TRMT1L: variants seen among roughly 807,000 people sequenced by gnomAD.
TRMT1L encodes tRNA methyltransferase 1L.
Under a neutral mutation model 81.6 loss-of-function variants are expected in TRMT1L, and 28 were observed. The observed-to-expected ratio is 0.34, with a 90% confidence interval of 0.25 to 0.47. The LOEUF (loss-of-function observed/expected upper bound fraction) is 0.47, where lower values mean the gene tolerates loss of function less well. Ranked by LOEUF, TRMT1L falls within the 20% of genes least tolerant of loss-of-function variation. TRMT1L has a pLI of 1.00. For missense variants in TRMT1L, 739 were observed against 877.1 expected (o/e 0.84, Z 1.99); for synonymous variants, 301 against 303.2 (o/e 0.99, Z 0.07).
At chr1:185,155,207 G>A (rs1653465124) in intron 1 of TRMT1L, among the ~76,000 whole-genome samples, 1 of 152,058 alleles carries the variant, frequency 6.6e-6, no homozygotes, top group Non-Finnish European at 1.5e-5. Flanking sequence ...ACATATTTTT[G>A]ATGGTGAGGA....
chr1:185,126,929 G>A (rs1652644939), intron 11 of TRMT1L, among the ~76,000 whole-genome samples: 1 of 152,178 alleles, frequency 6.6e-6, no homozygotes, highest in Non-Finnish European at 1.5e-5. Context: ...CCCAAAAGGT[G>A]GAGGTTGCAG....
At chr1:185,123,976 A>G in intron 12 of TRMT1L, 57 bp from the exon 13 acceptor site, 7 of 976,818 alleles carry the variant, frequency 7.2e-6, no homozygotes, top group Non-Finnish European at 1.0e-5. Flanking sequence ...ATAAAGCAAC[A>G]ACTCAGTTTA....
intron 10 of TRMT1L, among the ~76,000 whole-genome samples, chr1:185,132,549 AATAAAT>A (rs1174353792): frequency 8.6e-5 from 13 of 151,126 alleles, no homozygotes; most frequent in African/African-American, 3.1e-4. Flanking sequence ...TAAAAATAAA[AATAAAT>A]AAATAAATAA....
intron 2 of TRMT1L, 90 bp downstream of exon 2, chr1:185,151,735 A>C (rs1653355393): frequency 9.6e-6 from 8 of 834,246 alleles, no homozygotes; most frequent in Non-Finnish European, 1.5e-5. Flanking sequence ...AGAATAAACA[A>C]GTCTACTCTT....
Position 185,143,367 on chromosome 1 carries a change from A to G in TRMT1L, c.849T>C (p.Phe283=). The stretch of plus-strand genomic sequence containing the variant: ...AGTGTCCTCACTTACCAGTGGCTCC[A>G]AAAGCATCTAGACATTCCAAAGGTT... ...ERKPLECLDA[F]GATGIMGLQW... The change falls in exon 7 of 15, where the codon TTT becomes TTC. Residue 283 remains phenylalanine, a synonymous_variant. Coordinates refer to ENST00000367506, the MANE Select transcript of TRMT1L (RefSeq NM_030934.5). 6.2e-7 allele frequency: 1 copy of G among 1,601,846 alleles called. No individual in the cohort carries two copies. The highest frequency in any genetic ancestry group is 8.5e-7 in the Non-Finnish European group (1 of 1,173,784).
intron 9 of TRMT1L, among the ~76,000 whole-genome samples, chr1:185,138,427 T>C (rs1235121048): frequency 2.0e-5 from 3 of 152,154 alleles, no homozygotes; most frequent in African/African-American, 7.2e-5. Flanking sequence ...TTCAGGTAAT[T>C]AGAAACAACC....
rs542181742 is a variant in TRMT1L, at chr1:185,151,585, T to C, written c.346+240A>G. 9.9e-5 allele frequency among the ~76,000 whole-genome samples: 15 copies of C among 152,276 alleles called. 1 individual carries two copies. In the South Asian group the frequency reaches 2.7e-3, roughly 27 times the overall value. ...CAAATGCCATTCCTAACTTGCCGAA[T>C]AGACAGCCCCTAGACATCCGTGAAA... On this transcript the variant is annotated intron_variant, in intron 2 of 14. Transcript: ENST00000367506.
chr1:185,130,686 T>A (rs1335826532), intron 10 of TRMT1L, among the ~76,000 whole-genome samples: 1 of 152,330 alleles, frequency 6.6e-6, no homozygotes, highest in Non-Finnish European at 1.5e-5. Context: ...CAATCAAGCG[T>A]CTGTGTCCTC....
At chr1:185,156,372 C>A in intron 1 of TRMT1L, 106 bp downstream of exon 1, 2 of 1,610,954 alleles carry the variant, frequency 1.2e-6, no homozygotes, top group Non-Finnish European at 1.7e-6. Context: ...TTTCCTAAAC[C>A]TGCCTTGCCC....
At chr1:185,123,616 C>G (rs1411303564) in intron 13 of TRMT1L, among the ~76,000 whole-genome samples, 2 of 151,988 alleles carry the variant, frequency 1.3e-5, no homozygotes, top group Admixed American at 6.6e-5. Flanking sequence ...TCACATGGTT[C>G]AAGATCATAC....
intron 8 of TRMT1L, 53 bp from the exon 9 acceptor site, chr1:185,139,632 A>G: frequency 8.3e-7 from 1 of 1,209,398 alleles, no homozygotes; most frequent in South Asian, 1.5e-5. Flanking sequence ...AACAAAAATT[A>G]TACCACTGTA....
chr1:185,127,851 C>T (rs1571343942), intron 11 of TRMT1L, among the ~76,000 whole-genome samples: 1 of 151,232 alleles, frequency 6.6e-6, no homozygotes, highest in Non-Finnish European at 1.5e-5. Flanking sequence ...CAGTGGCTCA[C>T]ACCTGTAATC....
intron 7 of TRMT1L, among the ~76,000 whole-genome samples, chr1:185,140,732 A>C (rs1240449624): frequency 2.0e-5 from 3 of 151,962 alleles, no homozygotes; most frequent in Non-Finnish European, 1.5e-5. Context: ...TAATCTCTGC[A>C]CTTTGGGAGG....
chr1:185,142,115 C>T (rs1653065654), intron 7 of TRMT1L, among the ~76,000 whole-genome samples: 1 of 152,082 alleles, frequency 6.6e-6, no homozygotes, highest in South Asian at 2.1e-4. Context: ...ATTTCAAATC[C>T]AAGCGACTTG....
At chr1:185,124,887 G>T in intron 12 of TRMT1L, 57 bp downstream of exon 12, 6 of 1,447,974 alleles carry the variant, frequency 4.1e-6, no homozygotes, top group African/African-American at 1.4e-5. Context: ...AATTGAAAAA[G>T]ATACAGTATT....
intron 1 of TRMT1L, among the ~76,000 whole-genome samples, chr1:185,153,656 CTG>C (rs1491394502): frequency 3.3e-5 from 5 of 151,944 alleles, no homozygotes; most frequent in African/African-American, 1.2e-4. Context: ...ATGAATCAGA[CTG>C]TAACTTGCTT....
chr1:185,144,044 A>G lies in TRMT1L; in HGVS notation c.656-15T>C. The G allele has an allele frequency of 6.4e-7, 1 of 1,562,282 alleles. No individual in the cohort carries two copies. Among genetic ancestry groups the G allele is most frequent in the Non-Finnish European group, 8.6e-7 (1 of 1,158,428 alleles). On this transcript the variant is annotated splice_polypyrimidine_tract_variant and intron_variant, in intron 5 of 14. Coordinates refer to ENST00000367506, the MANE Select transcript of TRMT1L (RefSeq NM_030934.5). ...AGCAGTGGAAGCTAAGATGGAAAAA[A>G]GAAAAGATTTCCAGGGAAACACAAA...
intron 7 of TRMT1L, among the ~76,000 whole-genome samples, chr1:185,143,103 G>A (rs1468586107): frequency 6.6e-6 from 1 of 152,036 alleles, no homozygotes; most frequent in Non-Finnish European, 1.5e-5. Flanking sequence ...GATATCAAAA[G>A]ATTAGGATAT....
At chr1:185,144,832 T>C (rs953737603) in intron 5 of TRMT1L, among the ~76,000 whole-genome samples, 18 of 151,908 alleles carry the variant, frequency 1.2e-4, no homozygotes, top group Non-Finnish European at 8.8e-5. Context: ...GCATGTTGCA[T>C]ATCTCACAAG....
Sources: allele counts gnomAD v4.1 joint callset (sites outside exome capture counted in the v4.1 genomes callset), GRCh38; gene constraint gnomAD v4.1.1; transcripts MANE v1.5; gene names NCBI Gene and HGNC (gene_info 2026-07-23, HGNC 2026-07-21).